CKAP5: variants seen among roughly 807,000 people sequenced by gnomAD.
CKAP5 encodes the protein cytoskeleton-associated protein 5.
A neutral mutation model predicts 232.8 loss-of-function variants in CKAP5; 27 were observed. The ratio of observed to expected loss-of-function variants is 0.12; its 90% CI spans 0.09 to 0.16. The LOEUF (loss-of-function observed/expected upper bound fraction) is 0.16. Ranked by LOEUF, CKAP5 falls within the 10% of genes least tolerant of loss-of-function variation. The probability of loss-of-function intolerance (pLI) is 1.00; values close to 1 mark genes in which losing one functional copy is unlikely to be tolerated. For synonymous variants in CKAP5, 785 were observed against 841.1 expected (o/e 0.93, Z 1.16); for missense variants, 1,838 against 2,424.7 (o/e 0.76, Z 5.08).
chr11:46,831,721 A>G (rs1939797264), intron 1 of CKAP5, among the ~76,000 whole-genome samples: 1 of 151,910 alleles, frequency 6.6e-6, no homozygotes, highest in Non-Finnish European at 1.5e-5. Context: ...TTGTAGAGAC[A>G]GGGTCTCACT....
chr11:46,757,808 G>A (rs575391303), intron 35 of CKAP5, among the ~76,000 whole-genome samples: 5 of 150,720 alleles, frequency 3.3e-5, no homozygotes, highest in Non-Finnish European at 7.4e-5. Context: ...GGCTGGTCTC[G>A]AACTCCTGAC....
At position 46,767,606 on chromosome 11, in the gene CKAP5, G is replaced by A. The variant is rs1269253945; in HGVS notation, c.3380C>T (p.Ala1127Val). The part of the protein sequence containing the change: ...STEPKPDPKK[A>V]KAPGLSSKAK... Reference sequence around the variant, plus strand: ...TTTAGAGGATAATCCTGGAGCTTTGGCCTTTTTTGGATCAGGTTTGGGTTC... The same window carrying A: ...TTTAGAGGATAATCCTGGAGCTTTGACCTTTTTTGGATCAGGTTTGGGTTC... Residue 1127 changes from alanine (A) to valine (V), a missense_variant, in exon 27 of 44, where the codon GCC becomes GTC. Ala to Val is a moderately conservative substitution (Grantham distance 64, BLOSUM62 0). This residue lies in a region of CKAP5 where 767 missense variants were observed against 954.6 expected (regional missense o/e 0.80). Transcript: ENST00000529230. 6.2e-7 allele frequency: 1 copy of A among 1,612,580 alleles called. No individual in the cohort carries two copies. The highest frequency in any genetic ancestry group is 1.1e-5 in the South Asian group (1 of 90,924).
intron 13 of CKAP5, 133 bp downstream of exon 13, chr11:46,795,461 A>C: frequency 1.5e-6 from 1 of 675,404 alleles, no homozygotes; most frequent in East Asian, 2.7e-5. Flanking sequence ...TATCTTCATT[A>C]ACAGATTTTC....
rs557539440 is a variant in CKAP5 at position 46,823,389 on chromosome 11, C to T, written c.-37-2121G>A. 7.9e-5 allele frequency among the ~76,000 whole-genome samples: 12 copies of T among 152,072 alleles called. 1 individual carries two copies. The South Asian group carries it at 2.5e-3, about 32-fold the overall frequency. ...CCATGATGAACACTAAAGTACGTAT[C>T]CAGTTTTTTTTCAATACACATGTAG... On this transcript the variant is annotated intron_variant, in intron 1 of 43. Coordinates refer to ENST00000529230, the MANE Select transcript of CKAP5 (RefSeq NM_001008938.4).
chr11:46,769,342 T>C (rs1468354734), intron 26 of CKAP5, among the ~76,000 whole-genome samples: 4 of 152,104 alleles, frequency 2.6e-5, no homozygotes, highest in Non-Finnish European at 5.9e-5. Context: ...GAGCAGAAAA[T>C]AGTTGTGGAA....
At chr11:46,845,273 A>C (rs1272558018) in intron 1 of CKAP5, among the ~76,000 whole-genome samples, 1 of 152,220 alleles carries the variant, frequency 6.6e-6, no homozygotes, top group Admixed American at 6.5e-5. Context: ...TTCTGGGCCA[A>C]GATTTGATGC....
At chr11:46,809,625 T>C (rs1447970345) in intron 6 of CKAP5, 117 bp downstream of exon 6, 2 of 1,381,702 alleles carry the variant, frequency 1.4e-6, no homozygotes, top group Non-Finnish European at 2.0e-6. Context: ...TAAAGCTACA[T>C]GCAACTTATA....
At chr11:46,796,602 A>T (rs1380299811) in intron 12 of CKAP5, among the ~76,000 whole-genome samples, 1 of 152,182 alleles carries the variant, frequency 6.6e-6, no homozygotes, top group Non-Finnish European at 1.5e-5. Flanking sequence ...TAATAAAACA[A>T]CAGACAAAAT....
chr11:46,786,754 A>C (rs1023098187), intron 16 of CKAP5, among the ~76,000 whole-genome samples: 7 of 152,184 alleles, frequency 4.6e-5, no homozygotes, highest in Admixed American at 3.9e-4. Flanking sequence ...CCTTGCTTAA[A>C]AAGTGAATTC....
chr11:46,799,465 G>A (rs1938975707), intron 9 of CKAP5, among the ~76,000 whole-genome samples: 1 of 152,128 alleles, frequency 6.6e-6, no homozygotes, highest in Non-Finnish European at 1.5e-5. Context: ...TGTCTATAAA[G>A]CTAACATTCA....
At position 46,821,199 on chromosome 11, in the gene CKAP5, T is replaced by A. The variant is rs763657427; in HGVS notation, c.33A>T (p.Pro11=). The part of the protein sequence containing the change: MGDDSEWLKL[P]VDQKCEHKLW... ...CCTTGTGTTCACATTTCTGATCAAC[T>A]GGCAGTTTCAACCACTCACTGTCAT... Residue 11 remains proline, a synonymous_variant, in exon 2 of 44, where the codon CCA becomes CCT. Transcript: ENST00000529230. 6.2e-7 allele frequency: 1 copy of A among 1,613,440 alleles called. No individual in the cohort carries two copies. The highest frequency in any genetic ancestry group is 8.5e-7 in the Non-Finnish European group (1 of 1,179,454).
At position 46,816,336 on chromosome 11, in the gene CKAP5, T is replaced by C; in HGVS notation, c.320A>G (p.Glu107Gly). ...CATAAGACAGATCTCTATGCCCAGCTCCTTGGCTTTAGCTTTAGGTTGATT... is the reference window on the plus strand; with the variant it reads ...CATAAGACAGATCTCTATGCCCAGCCCCTTGGCTTTAGCTTTAGGTTGATT... ...VFNQPKAKAK[E>G]LGIEICLMYI... Residue 107 changes from glutamate (E) to glycine (G), a missense_variant, in exon 4 of 44, where the codon GAG (glutamate) becomes GGG (glycine). By Grantham distance (98) the Glu-to-Gly change is moderately conservative. Coordinates refer to ENST00000529230, the MANE Select transcript of CKAP5 (RefSeq NM_001008938.4). The C allele has an allele frequency of 6.2e-7, 1 of 1,614,122 alleles. No individual in the cohort carries two copies. The highest frequency in any genetic ancestry group is 8.5e-7 in the Non-Finnish European group (1 of 1,180,020).
At chr11:46,768,634 T>G (rs2065223757) in intron 26 of CKAP5, among the ~76,000 whole-genome samples, 1 of 151,594 alleles carries the variant, frequency 6.6e-6, no homozygotes, top group African/African-American at 2.4e-5. Context: ...CAGGCTGGAG[T>G]GCAGTGGTGC....
At chr11:46,838,917 G>A (rs1337754310) in intron 1 of CKAP5, among the ~76,000 whole-genome samples, 1 of 151,220 alleles carries the variant, frequency 6.6e-6, no homozygotes, top group Non-Finnish European at 1.5e-5. Context: ...GTCAGATACT[G>A]TTTTTATCAC....
chr11:46,816,084 T>TC lies in CKAP5; in HGVS notation c.458+113dup, dbSNP rs1939392542. 19 of 794,540 alleles carry TC rather than the reference T, an allele frequency of 2.4e-5. No homozygotes were observed. In the South Asian group the frequency reaches 2.5e-4, roughly 10 times the overall value. 49.2% of individuals were successfully genotyped at this position (794,540 alleles called of 1,614,324 possible). A position where few individuals can be genotyped will look rare whatever the true frequency, so the allele number is the denominator to read the frequency against. ...GTTTCATCTCAAAACGACCCCCCCA[T>TC]CCCCCCAACACACAATTCTTCCATG... On this transcript the variant is annotated intron_variant, in intron 4 of 43. Transcript: ENST00000529230.
intron 17 of CKAP5, among the ~76,000 whole-genome samples, chr11:46,784,055 T>C (rs2065365038): frequency 6.6e-6 from 1 of 151,790 alleles, no homozygotes; most frequent in Admixed American, 6.6e-5. Flanking sequence ...TAGAGTATTT[T>C]TTAAGGTAAA....
intron 1 of CKAP5, among the ~76,000 whole-genome samples, chr11:46,838,151 T>C (rs543889647): frequency 6.6e-6 from 1 of 152,278 alleles, no homozygotes; most frequent in South Asian, 2.1e-4. Context: ...TCCAGTCTAA[T>C]GAGAAAAACA....
intron 18 of CKAP5, among the ~76,000 whole-genome samples, chr11:46,781,494 T>G (rs1338541040): frequency 6.6e-6 from 1 of 152,184 alleles, no homozygotes; most frequent in Non-Finnish European, 1.5e-5. Flanking sequence ...ACCTAGCCCC[T>G]ATTCTTTCTC....
intron 41 of CKAP5, 37 bp downstream of exon 41, chr11:46,750,491 A>G: frequency 6.2e-7 from 1 of 1,612,362 alleles, no homozygotes; most frequent in Non-Finnish European, 8.5e-7. Flanking sequence ...TTTACCATAA[A>G]GCAGACCCCT....
Sources: allele counts gnomAD v4.1 joint callset (sites outside exome capture counted in the v4.1 genomes callset), GRCh38; gene constraint gnomAD v4.1.1; regional missense constraint gnomAD v4.1.1; transcripts MANE v1.5; gene names NCBI Gene and HGNC (gene_info 2026-07-23, HGNC 2026-07-21).